PTGIS: variants seen among roughly 807,000 people sequenced by gnomAD.
The protein encoded by PTGIS is prostacyclin synthase.
PTGIS carries 45 observed loss-of-function variants against 50.3 expected under a neutral mutation model. That is an observed-to-expected ratio of 0.90 (90% confidence interval 0.70 to 1.15). The LOEUF is 1.15. PTGIS is among the 50% of genes most tolerant of loss of function. The probability of loss-of-function intolerance (pLI) is 0.00; values close to 1 mark genes in which losing one functional copy is unlikely to be tolerated. For missense variants in PTGIS, 668 were observed against 661.3 expected, an observed-to-expected ratio of 1.01 and a Z score of -0.11; for synonymous variants, 260 against 267.7, an observed-to-expected ratio of 0.97 and a Z score of 0.28.
In PTGIS at chr20:49,513,257, G is replaced by T. The variant is rs1023569375; in HGVS notation, c.1029C>A (p.Ser343Arg). The stretch of plus-strand genomic sequence containing the variant: ...TAAGCCTGAGGCTCTCACTCAGCAC[G>T]CTATCTGCATGGGGCAGGTGCAAGG... ...KVLDSTPVLD[S>R]VLSESLRLTA... is the part of the protein sequence containing the mutation. The change falls in exon 8 of 10, where the codon AGC (serine) becomes AGA (arginine). Residue 343 changes from serine (S) to arginine (R), a missense_variant. Ser to Arg is a moderately radical substitution (Grantham distance 110). Coordinates refer to ENST00000244043, the MANE Select transcript of PTGIS (RefSeq NM_000961.4). 3.1e-6 allele frequency: 5 copies of T among 1,613,228 alleles called. No homozygotes were observed. Among genetic ancestry groups the T allele is most frequent in the African/African-American group, 2.7e-5 (2 of 74,900 alleles).
Position 49,528,332 on chromosome 20 carries a change from C to A in PTGIS, c.674-4093G>T, listed in dbSNP as rs1442786505. 2.0e-5 allele frequency among the ~76,000 whole-genome samples: 3 copies of A among 151,118 alleles called. No individual in the cohort carries two copies. In the East Asian group the frequency reaches 6.0e-4, roughly 30 times the overall value. On this transcript the variant is annotated intron_variant, in intron 5 of 9. Coordinates refer to ENST00000244043, the MANE Select transcript of PTGIS (RefSeq NM_000961.4). ...CACAGGATAAAAATATAGCAGTGGG[C>A]TGGGTGCAGTGGCTCACTCCTGTAA...
At chr20:49,565,410 G>A (rs1009385912) in intron 1 of PTGIS, among the ~76,000 whole-genome samples, 4 of 152,118 alleles carry the variant, frequency 2.6e-5, no homozygotes, top group Non-Finnish European at 4.4e-5. Context: ...GGTTCACACC[G>A]GTAATTCCAG....
At chr20:49,552,155 T>C (rs1266258581) in intron 1 of PTGIS, among the ~76,000 whole-genome samples, 1 of 149,484 alleles carries the variant, frequency 6.7e-6, no homozygotes, top group Non-Finnish European at 1.5e-5. Flanking sequence ...TTATCTGATT[T>C]CTTTTTTTTT....
chr20:49,507,681 A>C lies in PTGIS; in HGVS notation c.*239T>G. 2 of 595,120 alleles carry C rather than the reference A, an allele frequency of 3.4e-6. No individual in the cohort carries two copies. The highest frequency in any genetic ancestry group is 3.0e-6 in the Non-Finnish European group (1 of 337,150). The allele number at this position is 595,120 out of a possible 1,614,324, so 36.9% of individuals were successfully genotyped here. On this transcript the variant is annotated 3_prime_UTR_variant, in exon 10 of 10. Coordinates refer to ENST00000244043, the MANE Select transcript of PTGIS (RefSeq NM_000961.4). Reference sequence around the variant, plus strand: ...TAACGAGGTGAATTGGGAGCAGACAAAGCCTGATTTTGGAAAGAAAACTTT... The same window carrying C: ...TAACGAGGTGAATTGGGAGCAGACACAGCCTGATTTTGGAAAGAAAACTTT...
chr20:49,520,824 G>A (rs976763083), intron 6 of PTGIS, among the ~76,000 whole-genome samples: 3 of 151,816 alleles, frequency 2.0e-5, no homozygotes, highest in African/African-American at 4.8e-5. Context: ...GCACCATCAC[G>A]CCCAGCTTTT....
intron 4 of PTGIS, among the ~76,000 whole-genome samples, chr20:49,542,871 GT>G (rs1982266038): frequency 6.6e-6 from 1 of 152,052 alleles, no homozygotes; most frequent in Non-Finnish European, 1.5e-5. Flanking sequence ...CCAGGTCTCA[GT>G]TTTCTCATCT....
chr20:49,539,665 T>C lies in PTGIS; in HGVS notation c.578A>G (p.Gln193Arg), dbSNP rs1460903443. 5 of 1,613,936 alleles carry C rather than the reference T, an allele frequency of 3.1e-6. No individual in the cohort carries two copies. In the Admixed American group the frequency reaches 5.0e-5, roughly 16 times the overall value. Residue 193 changes from glutamine (Q) to arginine (R), a missense_variant, in exon 5 of 10, where the codon CAG (glutamine) becomes CGG (arginine). By Grantham distance (43) the Gln-to-Arg change is conservative. Transcript: ENST00000244043. ...AGCTGAGTGGACGCGGTCCTGGGCC[T>C]GGCTTTCATGGGTGCGTGGCAGCGC... ...IEALPRTHES[Q>R]AQDRVHSADV...
intron 6 of PTGIS, among the ~76,000 whole-genome samples, chr20:49,516,741 A>G (rs921128027): frequency 3.3e-5 from 5 of 152,190 alleles, no homozygotes; most frequent in Non-Finnish European, 5.9e-5. Context: ...CGCAGGTGCC[A>G]TTATTAGGCC....
rs116346214 is a variant in PTGIS at position 49,508,980 on chromosome 20, G to C, written c.1359-916C>G. Among the ~76,000 whole-genome samples, 597 of 152,366 alleles carry C rather than the reference G, an allele frequency of 3.9e-3. 6 individuals carry two copies. The highest frequency in any genetic ancestry group is 0.014 in the African/African-American group (564 of 41,588). On this transcript the variant is annotated intron_variant, in intron 9 of 9. Transcript: ENST00000244043. ...CCCTACCCCAACCCAGGCGCCCGATGCAGCACTGAGCACATGGTGGGGATT... is the reference window on the plus strand; with the variant it reads ...CCCTACCCCAACCCAGGCGCCCGATCCAGCACTGAGCACATGGTGGGGATT...
In PTGIS at chr20:49,538,256, G is replaced by GAA. The variant is rs58986753; in HGVS notation, c.673+1312_673+1313dup. On this transcript the variant is annotated intron_variant, in intron 5 of 9. Transcript: ENST00000244043. ...GGTGACAGAGTGAGACCCTGGTTCA[G>GAA]AAAAAAAAAAAAAAAAAAAAAAAAA... is the stretch of plus-strand genomic sequence containing the variant. Among the ~76,000 whole-genome samples, 45 of 30,282 alleles carry GAA rather than the reference G, an allele frequency of 1.5e-3. 6 individuals carry two copies. The highest frequency in any genetic ancestry group is 3.2e-3 in the South Asian group (2 of 618). The allele number at this position is 30,282 out of a possible 152,430, so 19.9% of individuals were successfully genotyped here.
chr20:49,510,942 GC>G (rs1981300083), intron 9 of PTGIS, 85 bp downstream of exon 9: 2 of 1,318,236 alleles, frequency 1.5e-6, no homozygotes, highest in South Asian at 2.4e-5. Context: ...CATTCTCCTG[GC>G]TGAGCCCTCA....
At chr20:49,536,447 T>TC (rs1982069996) in intron 5 of PTGIS, among the ~76,000 whole-genome samples, 1 of 151,366 alleles carries the variant, frequency 6.6e-6, no homozygotes, top group African/African-American at 2.4e-5. Context: ...TGCTTTTTCT[T>TC]TTTTTCTTTT....
chr20:49,552,002 C>A (rs1982522390), intron 1 of PTGIS, among the ~76,000 whole-genome samples: 1 of 152,112 alleles, frequency 6.6e-6, no homozygotes, highest in African/African-American at 2.4e-5. Flanking sequence ...AAAATAATTT[C>A]TAACAGCCTG....
chr20:49,543,730 C>T (rs1432660315), intron 4 of PTGIS, among the ~76,000 whole-genome samples: 1 of 152,192 alleles, frequency 6.6e-6, no homozygotes, highest in Admixed American at 6.6e-5. Context: ...GAAAGCCCCC[C>T]AGATGCTGTC....
rs1054351601 is a variant in PTGIS at position 49,507,651 on chromosome 20, G to A, written c.*269C>T. Reference sequence around the variant, plus strand: ...ATAGCATTTGTGGATATCACGAGGTGAGAGTAACGAGGTGAATTGGGAGCA... The same window carrying A: ...ATAGCATTTGTGGATATCACGAGGTAAGAGTAACGAGGTGAATTGGGAGCA... On this transcript the variant is annotated 3_prime_UTR_variant, in exon 10 of 10. Coordinates refer to ENST00000244043, the MANE Select transcript of PTGIS (RefSeq NM_000961.4). 1.3e-5 allele frequency: 7 copies of A among 534,256 alleles called. No homozygotes were observed. The highest frequency in any genetic ancestry group is 1.1e-4 in the African/African-American group (6 of 52,412). The allele number at this position is 534,256 out of a possible 1,614,324, so 33.1% of individuals were successfully genotyped here.
At position 49,505,695 on chromosome 20, in the gene PTGIS, G is replaced by C. The variant is rs985317557; in HGVS notation, c.*2225C>G. On this transcript the variant is annotated 3_prime_UTR_variant, in exon 10 of 10. Coordinates refer to ENST00000244043, the MANE Select transcript of PTGIS (RefSeq NM_000961.4). ...CGATGAGGCAGCTGAGGGTTGCCAC[G>C]GAAACCGGCTCTGTCCTCCCACTGG... 6.5e-6 allele frequency: 1 copy of C among 152,704 alleles called. No individual in the cohort carries two copies. The highest frequency in any genetic ancestry group is 6.5e-5 in the Admixed American group (1 of 15,278). The allele number at this position is 152,704 out of a possible 1,614,324, so 9.5% of individuals were successfully genotyped here.
intron 5 of PTGIS, among the ~76,000 whole-genome samples, chr20:49,524,511 G>T (rs1325850049): frequency 2.6e-5 from 4 of 152,134 alleles, no homozygotes; most frequent in Non-Finnish European, 5.9e-5. Context: ...TCACCTCTAT[G>T]TCCCCATCAC....
intron 1 of PTGIS, among the ~76,000 whole-genome samples, chr20:49,560,795 G>A (rs1982752575): frequency 6.6e-6 from 1 of 152,190 alleles, no homozygotes; most frequent in African/African-American, 2.4e-5. Context: ...GAGAATGTGG[G>A]GACGAGACGT....
intron 6 of PTGIS, among the ~76,000 whole-genome samples, chr20:49,522,081 T>C (rs1981665982): frequency 1.3e-5 from 2 of 151,824 alleles, no homozygotes; most frequent in South Asian, 4.2e-4. Context: ...TCCCAAGTCC[T>C]CATTTATGAG....
Sources: allele counts gnomAD v4.1 joint callset (sites outside exome capture counted in the v4.1 genomes callset), GRCh38; gene constraint gnomAD v4.1.1; transcripts MANE v1.5; gene names NCBI Gene and HGNC (gene_info 2026-07-23, HGNC 2026-07-21).